ATP13A4: variants seen among roughly 807,000 people sequenced by gnomAD.
The protein encoded by ATP13A4 is ATPase 13A4.
In ATP13A4, 114 loss-of-function variants were observed where a neutral mutation model predicts 142.5. The ratio of observed to expected loss-of-function variants is 0.80; its 90% CI spans 0.69 to 0.93. ATP13A4 has a LOEUF of 0.93. Ranked by LOEUF, ATP13A4 falls within the 40% of genes least tolerant of loss-of-function variation. The pLI, the probability that ATP13A4 is intolerant of heterozygous loss-of-function variation, is 0.00. For missense variants in ATP13A4, 1,392 were observed against 1,454.0 expected, an observed-to-expected ratio of 0.96 and a Z score of 0.69; for synonymous variants, 488 against 514.8, an observed-to-expected ratio of 0.95 and a Z score of 0.70.
chr3:193,554,529 C>G, intron 1 of ATP13A4: 3 of 633,278 alleles, frequency 4.7e-6, no homozygotes, highest in Non-Finnish European at 8.3e-6. Context: ...ACAATATTTT[C>G]ATTCTAGCAA....
At chr3:193,417,923 C>T (rs1715164404) in intron 25 of ATP13A4, among the ~76,000 whole-genome samples, 1 of 146,412 alleles carries the variant, frequency 6.8e-6, no homozygotes, top group African/African-American at 2.5e-5. Context: ...GAGATCGAGA[C>T]CATCCCGGCT....
At chr3:193,584,904 G>A (rs1724638337) in intron 1 of ATP13A4, among the ~76,000 whole-genome samples, 2 of 152,124 alleles carry the variant, frequency 1.3e-5, no homozygotes, top group African/African-American at 4.8e-5. Flanking sequence ...TCATGTAACT[G>A]AGACTTCTAT....
intron 1 of ATP13A4, among the ~76,000 whole-genome samples, chr3:193,522,791 G>T (rs1382164722): frequency 1.3e-5 from 2 of 152,186 alleles, no homozygotes; most frequent in African/African-American, 4.8e-5. Context: ...CCAGACAGTG[G>T]TTTCTACAGG....
intron 23 of ATP13A4, among the ~76,000 whole-genome samples, chr3:193,437,721 C>T (rs34776118): frequency 0.14 from 21,631 of 151,984 alleles, 1,852 homozygotes; most frequent in South Asian, 0.21. Context: ...CCACCATGCT[C>T]ACTATCTCTA....
Position 193,469,436 on chromosome 3 carries a change from G to A in ATP13A4, c.943+1423C>T, listed in dbSNP as rs151154624. Among the ~76,000 whole-genome samples, 920 of 152,220 alleles carry A rather than the reference G, an allele frequency of 6.0e-3. 12 individuals are homozygous for A. The highest frequency in any genetic ancestry group is 0.021 in the African/African-American group (888 of 41,530). On this transcript the variant is annotated intron_variant, in intron 9 of 29. Coordinates refer to ENST00000342695, the MANE Select transcript of ATP13A4 (RefSeq NM_032279.4). Reference sequence around the variant, plus strand: ...AGGTCAGGGGTTCAAGACCAGCCTGGCCAACATCGTGAAACGCCACCTCTA... The same window carrying A: ...AGGTCAGGGGTTCAAGACCAGCCTGACCAACATCGTGAAACGCCACCTCTA...
intron 17 of ATP13A4, among the ~76,000 whole-genome samples, chr3:193,449,803 C>T (rs1158819487): frequency 1.3e-5 from 2 of 152,186 alleles, no homozygotes; most frequent in Non-Finnish European, 2.9e-5. Context: ...CCACGTCCCC[C>T]ACAAAGGCTC....
chr3:193,492,759 T>C (rs1720013586), intron 5 of ATP13A4, among the ~76,000 whole-genome samples, 158 bp downstream of exon 5: 1 of 152,180 alleles, frequency 6.6e-6, no homozygotes, highest in East Asian at 1.9e-4. Context: ...GAAGATGATG[T>C]AATATAATGT....
intron 13 of ATP13A4, among the ~76,000 whole-genome samples, chr3:193,461,909 C>G (rs1717968767): frequency 1.3e-5 from 2 of 152,180 alleles, no homozygotes; most frequent in Admixed American, 1.3e-4. Flanking sequence ...ACTGTCAAAA[C>G]CGTCTTTTCT....
chr3:193,407,961 C>A (rs144954386), intron 28 of ATP13A4, among the ~76,000 whole-genome samples: 182 of 152,366 alleles, frequency 1.2e-3, no homozygotes, highest in Non-Finnish European at 2.3e-3. Context: ...CTCACAAGGG[C>A]CCTTGCCAAA....
At chr3:193,457,350 T>A in intron 15 of ATP13A4, 29 bp downstream of exon 15, 1 of 1,610,118 alleles carries the variant, frequency 6.2e-7, no homozygotes, top group East Asian at 2.2e-5. Context: ...AGTTTGGGTG[T>A]TGTGGGGTGA....
chr3:193,573,276 C>CGTGTATATATATATATTCTT (rs745558107), intron 2 of ATP13A4, among the ~76,000 whole-genome samples: 2 of 77,844 alleles, frequency 2.6e-5, no homozygotes, highest in African/African-American at 1.3e-4. Context: ...TATATATATA[C>CGTGTATATATATATATTCTT]ATATATATAT....
intron 6 of ATP13A4, 36 bp from the exon 7 acceptor site, chr3:193,489,900 AG>A (rs1176872364): frequency 1.9e-6 from 3 of 1,603,698 alleles, no homozygotes; most frequent in Admixed American, 1.7e-5. Flanking sequence ...GACAAGGGAG[AG>A]TTTTAGGCTT....
At chr3:193,440,760 A>C in intron 20 of ATP13A4, 123 bp from the exon 21 acceptor site, 1 of 1,029,680 alleles carries the variant, frequency 9.7e-7, no homozygotes, top group Non-Finnish European at 1.5e-6. Context: ...AAAAGTTTCC[A>C]ATGAGCCTTC....
intron 29 of ATP13A4, among the ~76,000 whole-genome samples, chr3:193,406,018 G>A (rs142272463): frequency 6.6e-6 from 1 of 152,148 alleles, no homozygotes; most frequent in South Asian, 2.1e-4. Flanking sequence ...ATATGGTTTA[G>A]CATATTGCTT....
chr3:193,434,068 G>T, intron 24 of ATP13A4, 151 bp from the exon 25 acceptor site: 1 of 714,034 alleles, frequency 1.4e-6, no homozygotes, highest in South Asian at 1.6e-5. Context: ...GTTGGTGAGT[G>T]ATGGTGTTGG....
rs369768586 is a variant in ATP13A4, at chr3:193,456,953, T to C, written c.1915+47A>G. ...ATCAAATGCAGTGGGAACATATTTA[T>C]CTGGAGATACAGATTTGCCAGGTGT... On this transcript the variant is annotated intron_variant, in intron 16 of 29. Coordinates refer to ENST00000342695, the MANE Select transcript of ATP13A4 (RefSeq NM_032279.4). 14 of 1,572,108 alleles carry C rather than the reference T, an allele frequency of 8.9e-6. No individual in the cohort carries two copies. The African/African-American group carries it at 1.5e-4, about 17-fold the overall frequency.
chr3:193,479,285 A>G (rs1329987331), intron 8 of ATP13A4, among the ~76,000 whole-genome samples: 3 of 152,180 alleles, frequency 2.0e-5, no homozygotes, highest in African/African-American at 7.2e-5. Flanking sequence ...AGACAAGAGA[A>G]GGAAATAAAG....
intron 4 of ATP13A4, 24 bp downstream of exon 4, chr3:193,493,066 G>A (rs778233573): frequency 6.2e-7 from 1 of 1,609,144 alleles, no homozygotes; most frequent in Admixed American, 1.7e-5. Context: ...TTCTTCTTTG[G>A]CTGTACTTGC....
chr3:193,550,220 T>A (rs34782393), intron 1 of ATP13A4, among the ~76,000 whole-genome samples: 6 of 151,840 alleles, frequency 4.0e-5, no homozygotes, highest in Non-Finnish European at 7.4e-5. Flanking sequence ...ATTTCCATGA[T>A]ACAGATAAAT....
Sources: allele counts gnomAD v4.1 joint callset (sites outside exome capture counted in the v4.1 genomes callset), GRCh38; gene constraint gnomAD v4.1.1; transcripts MANE v1.5; gene names NCBI Gene and HGNC (gene_info 2026-07-23, HGNC 2026-07-21).